The following C11orf54 variants were observed in gnomAD, a reference collection of about 807,000 sequenced individuals.
C11orf54 encodes the protein beta-keto-L-gulonate decarboxylase, also known as beta-keto L-gulonate decarboxylase.
A neutral mutation model predicts 35.5 loss-of-function variants in C11orf54; 29 were observed. The observed-to-expected ratio is 0.82, with a 90% confidence interval of 0.61 to 1.11. The LOEUF is 1.11. C11orf54 is among the 50% of genes most tolerant of loss of function. The probability of loss-of-function intolerance (pLI) is 0.00; values close to 1 mark genes in which losing one functional copy is unlikely to be tolerated. For missense variants in C11orf54, 373 were observed against 369.2 expected (o/e 1.01, Z -0.08); for synonymous variants, 108 against 121.1 (o/e 0.89, Z 0.71).
intron 6 of C11orf54, among the ~76,000 whole-genome samples, chr11:93,755,743 A>C (rs1943104748): frequency 2.4e-5 from 3 of 125,432 alleles, no homozygotes; most frequent in Non-Finnish European, 3.3e-5. Context: ...ACTGAGTGAG[A>C]CTCTGTCTCA....
intron 7 of C11orf54, among the ~76,000 whole-genome samples, chr11:93,758,609 G>A (rs994093000): frequency 5.9e-5 from 9 of 152,244 alleles, no homozygotes; most frequent in Admixed American, 5.2e-4. Context: ...GGCAGAGCCC[G>A]GTCGCTGTCG....
chr11:93,747,828 T>C (rs928848174), intron 2 of C11orf54, among the ~76,000 whole-genome samples: 2 of 152,224 alleles, frequency 1.3e-5, no homozygotes, highest in African/African-American at 4.8e-5. Flanking sequence ...AAATGTATAC[T>C]CTACTGTTGT....
chr11:93,760,445 G>T (rs558259617), intron 8 of C11orf54, among the ~76,000 whole-genome samples: 1 of 152,078 alleles, frequency 6.6e-6, no homozygotes, highest in South Asian at 2.1e-4. Flanking sequence ...AGTATTCTTA[G>T]CTACTGAGGA....
rs1351674212 is a variant in C11orf54, at chr11:93,762,186, T to C, written c.*498T>C. On this transcript the variant is annotated 3_prime_UTR_variant, in exon 9 of 9. Coordinates refer to ENST00000354421, the MANE Select transcript of C11orf54 (RefSeq NM_001286069.2). ...CTACTATGTATTTAGTAGTATCTTA[T>C]ATTTGTATAACATTATTACATTTTG... 3 of 152,248 alleles carry C rather than the reference T, an allele frequency of 2.0e-5. No individual in the cohort carries two copies. The highest frequency in any genetic ancestry group is 3.2e-3 in the Middle Eastern group (1 of 316). 9.4% of individuals were successfully genotyped at this position (152,248 alleles called of 1,614,324 possible). A position where few individuals can be genotyped will look rare whatever the true frequency, so the allele number is the denominator to read the frequency against.
chr11:93,751,345 A>G (rs1942808422), intron 3 of C11orf54, among the ~76,000 whole-genome samples: 2 of 150,314 alleles, frequency 1.3e-5, no homozygotes. Flanking sequence ...CTTGTGTACC[A>G]TGTGGCAATT....
chr11:93,746,749 G>A (rs1400157170), intron 1 of C11orf54: 1 of 152,052 alleles, frequency 6.6e-6, no homozygotes, highest in African/African-American at 2.4e-5. Flanking sequence ...AAAAGTGATA[G>A]TCTAAGGAAC....
intron 1 of C11orf54, among the ~76,000 whole-genome samples, chr11:93,744,638 TAAAAGA>T (rs1942343031): frequency 6.6e-6 from 1 of 152,214 alleles, no homozygotes; most frequent in Non-Finnish European, 1.5e-5. Context: ...TGAAATTATT[TAAAAGA>T]AAAAGTTAAA....
chr11:93,756,947 CA>C (rs1242659814), intron 6 of C11orf54, among the ~76,000 whole-genome samples: 2 of 152,058 alleles, frequency 1.3e-5, no homozygotes, highest in Non-Finnish European at 2.9e-5. Flanking sequence ...CCCCACTTAC[CA>C]AAGGTTAATT....
chr11:93,759,426 A>G (rs1943338810), intron 7 of C11orf54, among the ~76,000 whole-genome samples: 1 of 152,172 alleles, frequency 6.6e-6, no homozygotes, highest in Non-Finnish European at 1.5e-5. Context: ...GTTCTCACTC[A>G]TAAGTGGGTT....
Position 93,759,761 on chromosome 11 carries a change from GC to G in C11orf54, c.681del (p.Leu228Ter), listed in dbSNP as rs1216960686. 7.5e-6 allele frequency: 12 copies of G among 1,599,392 alleles called. No individual in the cohort carries two copies. Among genetic ancestry groups the G allele is most frequent in the Non-Finnish European group, 9.4e-6 (11 of 1,170,910 alleles). On this transcript the variant is annotated frameshift_variant, in exon 8 of 9. Coordinates refer to ENST00000354421, the MANE Select transcript of C11orf54 (RefSeq NM_001286069.2). LOFTEE classifies it high-confidence loss of function. ...TTGTAGCCTGCAGAATTTTCTTCCT[GC>G]CCCTTGAACTCTGATGAAGAAGTGA... ...SHIMPAEFSS[C>X]PLNSDEEVNK...
intron 1 of C11orf54, chr11:93,746,559 T>C (rs1942482476): frequency 6.6e-6 from 1 of 152,192 alleles, no homozygotes; most frequent in African/African-American, 2.4e-5. Context: ...TTAGTTGCAA[T>C]GATAGAAAAG....
intron 3 of C11orf54, among the ~76,000 whole-genome samples, 195 bp downstream of exon 3, chr11:93,750,639 T>C (rs1056167425): frequency 1.3e-5 from 2 of 152,224 alleles, no homozygotes; most frequent in African/African-American, 4.8e-5. Flanking sequence ...TGGAAAAGGA[T>C]TGTGTTTTAT....
chr11:93,748,104 GTGA>G (rs1020308983), intron 2 of C11orf54, among the ~76,000 whole-genome samples: 2 of 152,138 alleles, frequency 1.3e-5, no homozygotes, highest in African/African-American at 4.8e-5. Context: ...TTCTCAAAAT[GTGA>G]TGTTCTGGTA....
chr11:93,746,507 C>A (rs1285138469), intron 1 of C11orf54: 1 of 152,066 alleles, frequency 6.6e-6, no homozygotes, highest in Non-Finnish European at 1.5e-5. Context: ...TGTGTATGTG[C>A]ACTTATTTGT....
intron 7 of C11orf54, among the ~76,000 whole-genome samples, chr11:93,758,755 T>G (rs1943300955): frequency 1.3e-5 from 2 of 152,206 alleles, no homozygotes; most frequent in African/African-American, 4.8e-5. Flanking sequence ...AGCTCCCCAC[T>G]GGCCTTCAGG....
chr11:93,758,896 AGC>A (rs1259679253), intron 7 of C11orf54, among the ~76,000 whole-genome samples: 1 of 152,230 alleles, frequency 6.6e-6, no homozygotes, highest in East Asian at 1.9e-4. Flanking sequence ...CTGGGGGCCC[AGC>A]TGCCAATCCC....
chr11:93,752,066 C>T (rs1205430874), intron 3 of C11orf54, among the ~76,000 whole-genome samples: 4 of 151,700 alleles, frequency 2.6e-5, no homozygotes, highest in East Asian at 3.9e-4. Flanking sequence ...AGGCTGATCT[C>T]GAACTCCCAG....
intron 1 of C11orf54, chr11:93,745,717 C>A (rs1293528891): frequency 6.6e-6 from 1 of 152,306 alleles, no homozygotes; most frequent in Non-Finnish European, 1.5e-5. Flanking sequence ...TGCAGTGGCT[C>A]ACGCCTGTAA....
intron 1 of C11orf54, chr11:93,746,997 T>A (rs75732330): frequency 6.5e-6 from 1 of 152,828 alleles, no homozygotes; most frequent in East Asian, 1.9e-4. Flanking sequence ...AAAAAAAAAA[T>A]GAATCAGCTG....
Sources: allele counts gnomAD v4.1 joint callset (sites outside exome capture counted in the v4.1 genomes callset), GRCh38; gene constraint gnomAD v4.1.1; transcripts MANE v1.5; gene names NCBI Gene and HGNC (gene_info 2026-07-23, HGNC 2026-07-21).